The following FSTL5 variants were observed in gnomAD, a reference collection of about 807,000 sequenced individuals.
FSTL5 encodes follistatin-related protein 5.
In FSTL5, 62 loss-of-function variants were observed where a neutral mutation model predicts 89.1. The ratio of observed to expected loss-of-function variants is 0.70; its 90% CI spans 0.57 to 0.86. The LOEUF is 0.86. Ranked by LOEUF, FSTL5 falls within the 40% of genes least tolerant of loss-of-function variation. FSTL5 has a pLI of 0.00. For missense variants in FSTL5, 1,057 were observed against 1,001.6 expected (o/e 1.06, Z -0.75); for synonymous variants, 383 against 346.2 (o/e 1.11, Z -1.18).
At chr4:161,509,237 A>G (rs1230031152) in intron 11 of FSTL5, among the ~76,000 whole-genome samples, 3 of 152,194 alleles carry the variant, frequency 2.0e-5, no homozygotes, top group Admixed American at 6.5e-5. Flanking sequence ...CGAGAGGTGG[A>G]GGTTGCAGTG....
intron 12 of FSTL5, among the ~76,000 whole-genome samples, chr4:161,487,385 T>C (rs969264522): frequency 6.6e-6 from 1 of 152,176 alleles, no homozygotes; most frequent in African/African-American, 2.4e-5. Flanking sequence ...CTGCTGCCAG[T>C]TGGCATACAA....
intron 3 of FSTL5, among the ~76,000 whole-genome samples, chr4:161,992,079 T>C (rs961320044): frequency 9.9e-5 from 15 of 152,192 alleles, no homozygotes; most frequent in African/African-American, 3.6e-4. Flanking sequence ...AAAGTGGTAC[T>C]GATTGAGGTC....
chr4:161,753,436 A>C (rs1342170163), intron 6 of FSTL5, among the ~76,000 whole-genome samples: 2 of 152,148 alleles, frequency 1.3e-5, no homozygotes, highest in Non-Finnish European at 2.9e-5. Context: ...AATTCTGTTC[A>C]TAAGTTATTT....
At chr4:161,811,765 C>A (rs60625875) in intron 4 of FSTL5, among the ~76,000 whole-genome samples, 21,051 of 152,102 alleles carry the variant, frequency 0.14, 2,777 homozygotes, top group African/African-American at 0.34. Flanking sequence ...CGCAATAATT[C>A]ATCTAAATAT....
At chr4:161,929,517 A>T (rs989505841) in intron 3 of FSTL5, among the ~76,000 whole-genome samples, 3 of 151,588 alleles carry the variant, frequency 2.0e-5, no homozygotes, top group African/African-American at 7.3e-5. Context: ...GGGATTTTCA[A>T]TTGTGTGATA....
chr4:161,527,650 G>T (rs375229858), intron 10 of FSTL5, among the ~76,000 whole-genome samples: 22 of 151,802 alleles, frequency 1.4e-4, no homozygotes, highest in Middle Eastern at 3.4e-3. Context: ...AAACAACAGG[G>T]GCTGGAGAGG....
At chr4:161,590,096 A>C (rs1733758575) in intron 7 of FSTL5, among the ~76,000 whole-genome samples, 1 of 152,180 alleles carries the variant, frequency 6.6e-6, no homozygotes, top group Admixed American at 6.5e-5. Context: ...AGGTAAATTC[A>C]ACTTCATAAA....
chr4:161,468,044 C>T (rs543036967), intron 13 of FSTL5, among the ~76,000 whole-genome samples: 125 of 152,136 alleles, frequency 8.2e-4, no homozygotes, highest in African/African-American at 2.9e-3. Context: ...AATAGTTTGT[C>T]CAGAATGGCC....
At chr4:162,119,309 C>T (rs1461447579) in intron 1 of FSTL5, among the ~76,000 whole-genome samples, 4 of 151,582 alleles carry the variant, frequency 2.6e-5, no homozygotes, top group African/African-American at 7.3e-5. Flanking sequence ...GAAAAAACAA[C>T]TAATTATTCA....
intron 4 of FSTL5, among the ~76,000 whole-genome samples, chr4:161,846,901 C>A (rs1282452210): frequency 1.3e-5 from 2 of 152,108 alleles, no homozygotes; most frequent in Non-Finnish European, 2.9e-5. Flanking sequence ...GATAAATATG[C>A]ATATGTATGC....
chr4:161,459,201 A>C lies in FSTL5; in HGVS notation c.1716+11T>G. ...ATTGTTATTTTCTCTAATATACTGAAATGTACTTACCTGTAGTGTTGGTGA... is the reference window on the plus strand; with the variant it reads ...ATTGTTATTTTCTCTAATATACTGACATGTACTTACCTGTAGTGTTGGTGA... On this transcript the variant is annotated intron_variant, in intron 14 of 15. Transcript: ENST00000306100. 1 of 1,407,462 alleles carries C rather than the reference A, an allele frequency of 7.1e-7. No individual in the cohort carries two copies. The highest frequency in any genetic ancestry group is 1.0e-6 in the Non-Finnish European group (1 of 992,542). 87.2% of individuals were successfully genotyped at this position (1,407,462 alleles called of 1,614,324 possible).
intron 3 of FSTL5, among the ~76,000 whole-genome samples, chr4:161,962,073 ATTT>A (rs1310662640): frequency 6.6e-6 from 1 of 151,956 alleles, no homozygotes; most frequent in East Asian, 1.9e-4. Context: ...GTTAAAAATA[ATTT>A]TTATTTCATA....
At chr4:162,114,748 C>T (rs1731571948) in intron 1 of FSTL5, among the ~76,000 whole-genome samples, 1 of 152,024 alleles carries the variant, frequency 6.6e-6, no homozygotes, top group Non-Finnish European at 1.5e-5. Context: ...AAATATCTAC[C>T]TTACATTTCA....
intron 7 of FSTL5, among the ~76,000 whole-genome samples, chr4:161,655,818 A>G (rs1736495393): frequency 6.6e-6 from 1 of 152,134 alleles, no homozygotes; most frequent in Non-Finnish European, 1.5e-5. Context: ...TTATATTTTC[A>G]TGTTAGCACA....
At chr4:161,820,040 A>T (rs777865250) in intron 4 of FSTL5, among the ~76,000 whole-genome samples, 1 of 152,084 alleles carries the variant, frequency 6.6e-6, no homozygotes, top group Non-Finnish European at 1.5e-5. Context: ...CAAAGTTTTT[A>T]CGTGGAAAAC....
At chr4:162,144,278 A>C (rs1023354888) in intron 1 of FSTL5, among the ~76,000 whole-genome samples, 2 of 152,196 alleles carry the variant, frequency 1.3e-5, no homozygotes, top group African/African-American at 4.8e-5. Flanking sequence ...CTATAACTTA[A>C]TTATTTGGGA....
At chr4:162,003,684 A>G (rs561770947) in intron 3 of FSTL5, among the ~76,000 whole-genome samples, 4 of 152,312 alleles carry the variant, frequency 2.6e-5, no homozygotes, top group Admixed American at 6.5e-5. Context: ...GTGTGTAAAT[A>G]TATATTGTAA....
rs114247790 is a variant in FSTL5, at chr4:161,478,179, A to C, written c.1608+2841T>G. Among the ~76,000 whole-genome samples the C allele has an allele frequency of 6.1e-3, 928 of 152,234 alleles. 6 individuals are homozygous for C. The highest frequency in any genetic ancestry group is 0.01 in the Non-Finnish European group (708 of 67,950). On this transcript the variant is annotated intron_variant, in intron 13 of 15. Coordinates refer to ENST00000306100, the MANE Select transcript of FSTL5 (RefSeq NM_020116.5). ...GTATTATTCACCATAGTACAAATTT[A>C]AATACACTTTAAATGTCTGTTAGCA... is the stretch of plus-strand genomic sequence containing the variant.
chr4:161,560,565 AT>A (rs35714314), intron 8 of FSTL5, among the ~76,000 whole-genome samples: 26,743 of 151,364 alleles, frequency 0.18, 2,710 homozygotes, highest in East Asian at 0.39. Flanking sequence ...ATTTTATAAG[AT>A]TTTTTTTCTG....
Sources: gnomAD v4.1 joint callset for allele counts (sites outside exome capture counted in the v4.1 genomes callset) on GRCh38, gnomAD v4.1.1 for gene constraint, MANE v1.5 for transcripts, NCBI Gene and HGNC (gene_info 2026-07-23, HGNC 2026-07-21) for gene names.